ADAMTS3: variants seen among roughly 807,000 people sequenced by gnomAD.
ADAMTS3 encodes ADAM metallopeptidase with thrombospondin type 1 motif 3, also known as A disintegrin and metalloproteinase with thrombospondin motifs 3.
Under a neutral mutation model 129.0 loss-of-function variants are expected in ADAMTS3, and 73 were observed. That is an observed-to-expected ratio of 0.57 (90% confidence interval 0.47 to 0.69). ADAMTS3 has a LOEUF of 0.69. Among genes scored for constraint, ADAMTS3 ranks in the 30% least tolerant of loss-of-function variants. The probability of loss-of-function intolerance (pLI) is 0.00; values close to 1 mark genes in which losing one functional copy is unlikely to be tolerated. For synonymous variants in ADAMTS3, 477 were observed against 510.8 expected (o/e 0.93, Z 0.89); for missense variants, 1,457 against 1,514.5 (o/e 0.96, Z 0.63).
At chr4:72,370,679 G>C (rs1199194701) in intron 4 of ADAMTS3, among the ~76,000 whole-genome samples, 1 of 152,102 alleles carries the variant, frequency 6.6e-6, no homozygotes, top group South Asian at 2.1e-4. Context: ...GAACCCAGGA[G>C]GCAGAGGTTG....
At chr4:72,435,175 A>G (rs1722790620) in intron 3 of ADAMTS3, among the ~76,000 whole-genome samples, 1 of 151,818 alleles carries the variant, frequency 6.6e-6, no homozygotes, top group Admixed American at 6.6e-5. Flanking sequence ...GACCTCAAAA[A>G]AGACATTTGA....
chr4:72,312,040 T>C (rs1441772192), intron 13 of ADAMTS3: 1 of 397,862 alleles, frequency 2.5e-6, no homozygotes. Context: ...CTCCCAGGCG[T>C]TCCTTTCCAC....
chr4:72,400,299 G>C (rs1721875377), intron 4 of ADAMTS3, among the ~76,000 whole-genome samples: 1 of 147,470 alleles, frequency 6.8e-6, no homozygotes, highest in Admixed American at 6.7e-5. Flanking sequence ...GTATATACGT[G>C]TGTATATATG....
intron 4 of ADAMTS3, among the ~76,000 whole-genome samples, chr4:72,347,303 C>A (rs956151638): frequency 3.4e-5 from 5 of 147,244 alleles, no homozygotes; most frequent in Non-Finnish European, 3.0e-5. Flanking sequence ...TTTCCATTTG[C>A]TAAGACAGTT....
rs545411389 is a variant in ADAMTS3 at position 72,298,482 on chromosome 4, G to A, written c.2425-40C>T. 29 of 1,452,568 alleles carry A rather than the reference G, an allele frequency of 2.0e-5. No homozygotes were observed. The African/African-American group carries it at 3.9e-4, about 20-fold the overall frequency. 90.0% of individuals were successfully genotyped at this position (1,452,568 alleles called of 1,614,324 possible). A position where few individuals can be genotyped will look rare whatever the true frequency, so the allele number is the denominator to read the frequency against. ...AAATCAATATGTAAATCACCTGAGGGTTTTAAATTTTGAGTGTAAAATTAC... is the reference window on the plus strand; with the variant it reads ...AAATCAATATGTAAATCACCTGAGGATTTTAAATTTTGAGTGTAAAATTAC... On this transcript the variant is annotated intron_variant, in intron 17 of 21. Transcript: ENST00000286657.
chr4:72,336,276 C>T (rs1719986153), intron 5 of ADAMTS3, among the ~76,000 whole-genome samples: 1 of 152,176 alleles, frequency 6.6e-6, no homozygotes, highest in South Asian at 2.1e-4. Context: ...AGTTTCTCTC[C>T]AGGACCCTAT....
chr4:72,409,877 C>A (rs1477037371), intron 4 of ADAMTS3, among the ~76,000 whole-genome samples: 2 of 152,116 alleles, frequency 1.3e-5, no homozygotes, highest in Non-Finnish European at 2.9e-5. Context: ...AGTATTTCCA[C>A]ATGAATTCAA....
intron 3 of ADAMTS3, among the ~76,000 whole-genome samples, chr4:72,547,342 G>A (rs1721493154): frequency 6.6e-6 from 1 of 152,150 alleles, no homozygotes; most frequent in Non-Finnish European, 1.5e-5. Context: ...TTCACACTGG[G>A]TAGGAATCAT....
rs767175844 is a variant in ADAMTS3 at position 72,548,695 on chromosome 4, T to TACTAG, written c.286_287insCTAGT (p.Lys96ThrfsTer8). On this transcript the variant is annotated frameshift_variant, in exon 3 of 22. Transcript: ENST00000286657. LOFTEE classifies it high-confidence loss of function. ...AGGAGCTACTAGTTGAGTGTTGGGC[T>TACTAG]TTAGTCGCAGATGAAAATCTTTTCC... 6.2e-7 allele frequency: 1 copy of TACTAG among 1,614,006 alleles called. No homozygotes were observed. Among genetic ancestry groups the TACTAG allele is most frequent in the Non-Finnish European group, 8.5e-7 (1 of 1,179,914 alleles).
chr4:72,364,803 G>A (rs1720828292), intron 4 of ADAMTS3, among the ~76,000 whole-genome samples: 1 of 152,010 alleles, frequency 6.6e-6, no homozygotes, highest in Non-Finnish European at 1.5e-5. Context: ...TGCCCAGGCT[G>A]GTCTCAAACT....
intron 4 of ADAMTS3, among the ~76,000 whole-genome samples, chr4:72,353,076 GT>G (rs1376182625): frequency 6.7e-6 from 1 of 150,066 alleles, no homozygotes; most frequent in African/African-American, 2.5e-5. Flanking sequence ...TGGTCATTCT[GT>G]TTATGGGCCT....
chr4:72,309,625 C>T, intron 14 of ADAMTS3, 105 bp from the exon 15 acceptor site: 1 of 1,239,462 alleles, frequency 8.1e-7, no homozygotes. Context: ...CACAGTCAGC[C>T]AATTTATAGC....
intron 3 of ADAMTS3, among the ~76,000 whole-genome samples, chr4:72,463,645 A>AT (rs1007897809): frequency 2.4e-4 from 35 of 145,802 alleles, no homozygotes; most frequent in African/African-American, 7.2e-4. Context: ...TTTAGTTGAC[A>AT]TTTTTTTACT....
At chr4:72,387,127 G>GT (rs1280125242) in intron 4 of ADAMTS3, among the ~76,000 whole-genome samples, 1 of 152,160 alleles carries the variant, frequency 6.6e-6, no homozygotes, top group Non-Finnish European at 1.5e-5. Context: ...ATTAGAATTT[G>GT]TTTTTTACAT....
At chr4:72,316,062 T>C (rs1315653002) in intron 10 of ADAMTS3, 91 bp from the exon 11 acceptor site, 2 of 639,426 alleles carry the variant, frequency 3.1e-6, no homozygotes, top group Non-Finnish European at 5.0e-6. Context: ...CTGTCCTGTT[T>C]CTTGGATGTG....
chr4:72,349,711 A>AT (rs1438518377), intron 4 of ADAMTS3, among the ~76,000 whole-genome samples: 1 of 152,010 alleles, frequency 6.6e-6, no homozygotes, highest in Non-Finnish European at 1.5e-5. Flanking sequence ...CTGATTAAAA[A>AT]TTTACTTCAT....
At chr4:72,335,116 A>C (rs1719956417) in intron 5 of ADAMTS3, among the ~76,000 whole-genome samples, 1 of 151,966 alleles carries the variant, frequency 6.6e-6, no homozygotes, top group South Asian at 2.1e-4. Context: ...TGGAGAATTA[A>C]GGTTAGTGAT....
chr4:72,561,181 T>C (rs1043694063), intron 2 of ADAMTS3, among the ~76,000 whole-genome samples: 6 of 152,090 alleles, frequency 3.9e-5, no homozygotes, highest in Admixed American at 3.9e-4. Flanking sequence ...GAAACTCGTC[T>C]CTACCAAAAA....
chr4:72,305,964 A>T, intron 16 of ADAMTS3, 23 bp downstream of exon 16: 1 of 1,589,252 alleles, frequency 6.3e-7, no homozygotes, highest in Non-Finnish European at 8.6e-7. Context: ...GTTAAAGCAG[A>T]GACAGCAGAC....
Sources: gnomAD v4.1 joint callset for allele counts (sites outside exome capture counted in the v4.1 genomes callset) on GRCh38, gnomAD v4.1.1 for gene constraint, MANE v1.5 for transcripts, NCBI Gene and HGNC (gene_info 2026-07-23, HGNC 2026-07-21) for gene names.